Variants in SYNE2 observed in about 807,000 individuals in gnomAD.
SYNE2 encodes spectrin repeat containing nuclear envelope protein 2.
Under a neutral mutation model 856.3 loss-of-function variants are expected in SYNE2, and 431 were observed. The ratio of observed to expected loss-of-function variants is 0.50; its 90% CI spans 0.47 to 0.55. SYNE2 has a LOEUF of 0.55. SYNE2 is among the 20% of genes least tolerant of loss of function. SYNE2 has a pLI of 0.00. For synonymous variants in SYNE2, 2,923 were observed against 2,872.3 expected (o/e 1.02, Z -0.56); for missense variants, 8,129 against 8,023.2 (o/e 1.01, Z -0.50).
chr14:64,022,500 A>G (rs544105265), intron 37 of SYNE2, among the ~76,000 whole-genome samples: 104 of 152,204 alleles, frequency 6.8e-4, no homozygotes, highest in African/African-American at 2.4e-3. Context: ...TGGGAGGCCA[A>G]GGCGGGTGGA....
intron 55 of SYNE2, among the ~76,000 whole-genome samples, chr14:64,078,991 G>T (rs1315146311): frequency 6.6e-6 from 1 of 152,156 alleles, no homozygotes; most frequent in Non-Finnish European, 1.5e-5. Flanking sequence ...AAAATCACTT[G>T]AACCCAGGAG....
At chr14:63,786,659 G>A (rs1039008915) in intron 1 of SYNE2, among the ~76,000 whole-genome samples, 4 of 152,150 alleles carry the variant, frequency 2.6e-5, no homozygotes, top group African/African-American at 9.7e-5. Context: ...TTATGATTAT[G>A]TAAACATTAT....
chr14:64,028,755 A>G (rs112909018), intron 43 of SYNE2, among the ~76,000 whole-genome samples: 1 of 152,280 alleles, frequency 6.6e-6, no homozygotes, highest in East Asian at 1.9e-4. Context: ...TCCATCATCT[A>G]TTGTTAGTAG....
At chr14:63,854,741 T>C (rs1014563880) in intron 1 of SYNE2, among the ~76,000 whole-genome samples, 1 of 152,246 alleles carries the variant, frequency 6.6e-6, no homozygotes, top group African/African-American at 2.4e-5. Flanking sequence ...ATTTACCTAA[T>C]TAGAAATTTT....
At chr14:63,930,445 A>G (rs2095735756) in intron 2 of SYNE2, among the ~76,000 whole-genome samples, 1 of 152,038 alleles carries the variant, frequency 6.6e-6, no homozygotes, top group African/African-American at 2.4e-5. Flanking sequence ...TGGGTTTGTG[A>G]ACACATTCAT....
intron 55 of SYNE2, among the ~76,000 whole-genome samples, chr14:64,079,271 A>G (rs183133111): frequency 3.9e-5 from 6 of 152,228 alleles, no homozygotes; most frequent in African/African-American, 1.4e-4. Flanking sequence ...TAAAAATTCC[A>G]AATTTATTTC....
chr14:64,053,167 A>C lies in SYNE2; in HGVS notation c.9254A>C (p.Gln3085Pro). Residue 3085 changes from glutamine to proline, a missense_variant, in exon 48 of 116, where the codon CAA (glutamine) becomes CCA (proline). Gln to Pro is a moderately conservative substitution (Grantham distance 76). Transcript: ENST00000555002. ...SSPESRRLNA[Q>P]ILSQRIEKAK... ...CCGGAAAGCAGACGGCTCAATGCCCAAATTTTAAGTCAGAGAATTGAGAAA... is the reference window on the plus strand; with the variant it reads ...CCGGAAAGCAGACGGCTCAATGCCCCAATTTTAAGTCAGAGAATTGAGAAA... The C allele has an allele frequency of 6.2e-7, 1 of 1,614,172 alleles. No individual in the cohort carries two copies. Among genetic ancestry groups the C allele is most frequent in the African/African-American group, 1.3e-5 (1 of 75,072 alleles).
intron 105 of SYNE2, 120 bp downstream of exon 105, chr14:64,213,125 AAAAG>A (rs1420925089): frequency 5.7e-6 from 6 of 1,047,560 alleles, no homozygotes; most frequent in Non-Finnish European, 7.0e-6. Flanking sequence ...TTTTTGGTTG[AAAAG>A]AAAGGGCTAT....
intron 84 of SYNE2, among the ~76,000 whole-genome samples, chr14:64,148,410 G>C (rs1424022957): frequency 6.6e-6 from 1 of 152,174 alleles, no homozygotes; most frequent in Admixed American, 6.5e-5. Context: ...ACTGAGACAA[G>C]GGGCTTTAAA....
chr14:64,010,609 T>C (rs2096836488), intron 32 of SYNE2, among the ~76,000 whole-genome samples: 1 of 152,226 alleles, frequency 6.6e-6, no homozygotes, highest in Admixed American at 6.5e-5. Context: ...CTAGGTGTCA[T>C]TATTTTCTAT....
intron 95 of SYNE2, 107 bp downstream of exon 95, chr14:64,175,245 G>C (rs2098428458): frequency 2.3e-6 from 3 of 1,285,962 alleles, no homozygotes; most frequent in Non-Finnish European, 3.3e-6. Flanking sequence ...AGTATCATGA[G>C]TTTCCAACTC....
In SYNE2 at chr14:64,020,015, A is replaced by T; in HGVS notation, c.5073A>T (p.Gln1691His). 6.2e-7 allele frequency: 1 copy of T among 1,613,606 alleles called. No homozygotes were observed. The highest frequency in any genetic ancestry group is 1.1e-5 in the South Asian group (1 of 91,070). ...AGGAAGAATTACAAGTCCATGAACA[A>T]AAAACTTCAGAATTTTCTAGAAGAG... ...RLKEELQVHE[Q>H]KTSEFSRRVA... Residue 1691 changes from glutamine to histidine, a missense_variant, in exon 35 of 116, where the codon CAA (glutamine) becomes CAT (histidine). Coordinates refer to ENST00000555002, the MANE Select transcript of SYNE2 (RefSeq NM_182914.3).
chr14:64,075,974 A>G lies in SYNE2; in HGVS notation c.10896A>G (p.Lys3632=), dbSNP rs757898942. 12 of 1,613,920 alleles carry G rather than the reference A, an allele frequency of 7.4e-6. No individual in the cohort carries two copies. Among genetic ancestry groups the G allele is most frequent in the Non-Finnish European group, 9.3e-6 (11 of 1,179,854 alleles). ...EELQSILKKG[K]LTFENIMEKL... ...TTCAAAGCATCCTTAAGAAAGGGAA[A>G]CTAACTTTTGAGAATATTATGGAAA... The change falls in exon 54 of 116, where the codon AAA becomes AAG. Residue 3632 remains lysine (K), a synonymous_variant. Coordinates refer to ENST00000555002, the MANE Select transcript of SYNE2 (RefSeq NM_182914.3).
intron 99 of SYNE2, among the ~76,000 whole-genome samples, chr14:64,191,491 TAC>T (rs1389233190): frequency 1.3e-5 from 2 of 152,068 alleles, no homozygotes; most frequent in Non-Finnish European, 2.9e-5. Context: ...GAGAGACACA[TAC>T]ATTGAGAGCA....
At chr14:64,150,321 A>AAAAAAAAAAAAAAAAAG (rs766798501) in intron 84 of SYNE2, among the ~76,000 whole-genome samples, 4 of 119,490 alleles carry the variant, frequency 3.3e-5, no homozygotes, top group Non-Finnish European at 5.1e-5. Context: ...AAAAAAAAAA[A>AAAAAAAAAAAAAAAAAG]GGATCCTCCC....
Position 64,076,104 on chromosome 14 carries a change from A to G in SYNE2, c.11022+4A>G, listed in dbSNP as rs758671958. ...TTTAGAAGACATAGATGAGAAGGTA[A>G]TAATAATGTCTGTACTACTGTTATT... On this transcript the variant is annotated splice_donor_region_variant and intron_variant, in intron 54 of 115. Transcript: ENST00000555002. 5 of 1,613,046 alleles carry G rather than the reference A, an allele frequency of 3.1e-6. No individual in the cohort carries two copies. The highest frequency in any genetic ancestry group is 2.2e-5 in the East Asian group (1 of 44,834).
At chr14:63,779,149 A>G (rs1266257539) in intron 1 of SYNE2, among the ~76,000 whole-genome samples, 2 of 150,858 alleles carry the variant, frequency 1.3e-5, no homozygotes, top group African/African-American at 2.4e-5. Context: ...GTGAAACCCC[A>G]TTTCTACTAA....
intron 96 of SYNE2, among the ~76,000 whole-genome samples, chr14:64,183,694 A>G (rs1596058737): frequency 6.6e-6 from 1 of 152,072 alleles, no homozygotes; most frequent in Non-Finnish European, 1.5e-5. Context: ...CTGGCAGATC[A>G]CTCGTGGTTA....
chr14:64,211,830 G>T (rs2098642854), intron 103 of SYNE2, 131 bp from the exon 104 acceptor site: 2 of 1,355,306 alleles, frequency 1.5e-6, no homozygotes, highest in Non-Finnish European at 2.1e-6. Flanking sequence ...GGGCTTTCTG[G>T]GTACCCTAGA....
Sources: allele counts gnomAD v4.1 joint callset (sites outside exome capture counted in the v4.1 genomes callset), GRCh38; gene constraint gnomAD v4.1.1; transcripts MANE v1.5; gene names NCBI Gene and HGNC (gene_info 2026-07-23, HGNC 2026-07-21).